Variants in TAOK1 observed in about 807,000 individuals in gnomAD.
The protein encoded by TAOK1 is TAO kinase 1.
In TAOK1, 21 loss-of-function variants were observed where a neutral mutation model predicts 138.3. The observed-to-expected ratio is 0.15, with a 90% CI of 0.11 to 0.22. The LOEUF is 0.22. Among genes scored for constraint, TAOK1 ranks in the 10% least tolerant of loss-of-function variants. The pLI is 1.00. For synonymous variants in TAOK1, 361 were observed against 398.4 expected (o/e 0.91, Z 1.12); for missense variants, 651 against 1,227.7 (o/e 0.53, Z 7.02).
At chr17:29,442,518 T>G (rs2029972192) in intron 1 of TAOK1, among the ~76,000 whole-genome samples, 1 of 152,148 alleles carries the variant, frequency 6.6e-6, no homozygotes, top group African/African-American at 2.4e-5. Context: ...TTTGTTATTG[T>G]TTTTTGTAGA....
chr17:29,408,263 C>A (rs1374239878), intron 1 of TAOK1, among the ~76,000 whole-genome samples: 2 of 143,962 alleles, frequency 1.4e-5, no homozygotes, highest in African/African-American at 5.2e-5. Context: ...CTTGCTGTGT[C>A]CCCCAGGGCT....
At chr17:29,456,401 C>G (rs1170334569) in intron 2 of TAOK1, among the ~76,000 whole-genome samples, 2 of 150,252 alleles carry the variant, frequency 1.3e-5, no homozygotes, top group African/African-American at 5.0e-5. Flanking sequence ...CCATTTGGTT[C>G]TGAAGTTTTC....
intron 3 of TAOK1, among the ~76,000 whole-genome samples, chr17:29,469,700 ATCTG>A (rs1328885836): frequency 6.6e-6 from 1 of 152,192 alleles, no homozygotes; most frequent in Non-Finnish European, 1.5e-5. Flanking sequence ...ATGTATCTAT[ATCTG>A]TCTGTTTCAG....
intron 17 of TAOK1, among the ~76,000 whole-genome samples, chr17:29,526,886 T>C (rs1473772064): frequency 6.8e-6 from 1 of 146,586 alleles, no homozygotes; most frequent in Non-Finnish European, 1.5e-5. Flanking sequence ...CCCAGCACTT[T>C]GGGAGGTTGA....
rs1301381165 is a variant in TAOK1, at chr17:29,472,257, T to TG, written c.205-3413_205-3412insG. Among the ~76,000 whole-genome samples, 11 of 26,944 alleles carry TG rather than the reference T, an allele frequency of 4.1e-4. No individual in the cohort carries two copies. In the East Asian group the frequency reaches 0.29, roughly 700 times the overall value. 17.7% of individuals were successfully genotyped at this position (26,944 alleles called of 152,430 possible). The stretch of plus-strand genomic sequence containing the variant: ...CTATGGCAGCTATAGCCGTTGTGTG[T>TG]TTTTTTTTTTTTTGAGATGGAGTTC... On this transcript the variant is annotated intron_variant, in intron 3 of 19. Coordinates refer to ENST00000261716, the MANE Select transcript of TAOK1 (RefSeq NM_020791.4).
At chr17:29,442,548 A>G (rs989426934) in intron 1 of TAOK1, among the ~76,000 whole-genome samples, 5 of 152,038 alleles carry the variant, frequency 3.3e-5, no homozygotes, top group Admixed American at 2.0e-4. Context: ...GTATTGTGGC[A>G]TATGTTAACA....
chr17:29,457,405 T>TTC (rs1213392973), intron 2 of TAOK1, among the ~76,000 whole-genome samples: 1 of 115,056 alleles, frequency 8.7e-6, no homozygotes, highest in East Asian at 2.6e-4. Context: ...CCCAGGCCTT[T>TTC]TTTTTTTTTT....
chr17:29,525,775 G>A (rs2031999358), intron 17 of TAOK1, among the ~76,000 whole-genome samples: 1 of 152,226 alleles, frequency 6.6e-6, no homozygotes, highest in Non-Finnish European at 1.5e-5. Context: ...GAAGGCCGAG[G>A]CAGGGGATCA....
chr17:29,421,652 G>A (rs1402114529), intron 1 of TAOK1, among the ~76,000 whole-genome samples: 2 of 152,136 alleles, frequency 1.3e-5, no homozygotes, highest in East Asian at 1.9e-4. Flanking sequence ...AGGCTGGAGT[G>A]TAGTGGTGCC....
intron 1 of TAOK1, among the ~76,000 whole-genome samples, chr17:29,441,156 C>A (rs1349865624): frequency 6.6e-6 from 1 of 152,036 alleles, no homozygotes; most frequent in Non-Finnish European, 1.5e-5. Flanking sequence ...CTTGTGATAT[C>A]TTTGTCTGGC....
Position 29,491,767 on chromosome 17 carries a change from A to G in TAOK1, c.750-17A>G, listed in dbSNP as rs767315394. On this transcript the variant is annotated splice_polypyrimidine_tract_variant and intron_variant, in intron 9 of 19. Transcript: ENST00000261716. The stretch of plus-strand genomic sequence containing the variant: ...GGAAATAGCAATGTGTTCACTTGAT[A>G]CTTTCCTTTACAATAGGTCTGATTA... The G allele has an allele frequency of 6.3e-7, 1 of 1,583,804 alleles. No individual in the cohort carries two copies.
chr17:29,481,234 C>T (rs926466222), intron 7 of TAOK1, among the ~76,000 whole-genome samples: 1 of 151,362 alleles, frequency 6.6e-6, no homozygotes, highest in Non-Finnish European at 1.5e-5. Context: ...TGCTCTCTCG[C>T]CCAGGTTGGA....
chr17:29,441,039 C>T (rs990813314), intron 1 of TAOK1, among the ~76,000 whole-genome samples: 7 of 152,136 alleles, frequency 4.6e-5, no homozygotes, highest in African/African-American at 1.4e-4. Context: ...ATAAGTGCCA[C>T]TTAATCATAA....
At chr17:29,540,643 T>G (rs1041743430) in intron 19 of TAOK1, among the ~76,000 whole-genome samples, 40 of 152,338 alleles carry the variant, frequency 2.6e-4, no homozygotes, top group Non-Finnish European at 5.6e-4. Flanking sequence ...CTATCTCTTC[T>G]CACCGCAACC....
intron 6 of TAOK1, among the ~76,000 whole-genome samples, chr17:29,478,789 A>G (rs558301926): frequency 6.6e-6 from 1 of 152,290 alleles, no homozygotes; most frequent in East Asian, 1.9e-4. Context: ...ACTGATAATG[A>G]CATATTTATT....
At chr17:29,419,443 G>A (rs1223082684) in intron 1 of TAOK1, among the ~76,000 whole-genome samples, 3 of 151,076 alleles carry the variant, frequency 2.0e-5, no homozygotes, top group Non-Finnish European at 4.4e-5. Flanking sequence ...TGATCCACCC[G>A]CCTCGGCCTC....
intron 7 of TAOK1, 46 bp downstream of exon 7, chr17:29,480,527 A>C: frequency 2.7e-6 from 4 of 1,476,360 alleles, no homozygotes; most frequent in Non-Finnish European, 3.7e-6. Context: ...GTGTCTGTCT[A>C]TGTTTAACAT....
chr17:29,491,328 C>G (rs1051132122), intron 9 of TAOK1, among the ~76,000 whole-genome samples: 2 of 152,032 alleles, frequency 1.3e-5, no homozygotes. Flanking sequence ...ACCAAATACT[C>G]AGGTATAAAA....
intron 6 of TAOK1, among the ~76,000 whole-genome samples, chr17:29,478,891 C>G (rs1304560687): frequency 6.6e-6 from 1 of 152,152 alleles, no homozygotes; most frequent in Non-Finnish European, 1.5e-5. Flanking sequence ...GAGGCCTAGG[C>G]AGGTGGATCA....
Sources: gnomAD v4.1 joint callset for allele counts (sites outside exome capture counted in the v4.1 genomes callset) on GRCh38, gnomAD v4.1.1 for gene constraint, MANE v1.5 for transcripts, NCBI Gene and HGNC (gene_info 2026-07-23, HGNC 2026-07-21) for gene names.